The following BLTP1 variants were observed in gnomAD, a reference collection of about 807,000 sequenced individuals.
BLTP1 encodes the protein fragile site-associated protein.
At chr4:122,191,117 T>C in the BLTP1 span, among the ~76,000 whole-genome samples, 1 of 152,214 alleles carries the variant, frequency 6.6e-6, no homozygotes, top group African/African-American at 2.4e-5. Context: ...AAATTATTTA[T>C]TTTGTCAAAT....
the BLTP1 span, chr4:122,174,629 C>A: frequency 6.2e-7 from 1 of 1,602,940 alleles, no homozygotes; most frequent in Non-Finnish European, 8.5e-7. Context: ...AAATCTATTA[C>A]ATTACAGAAG....
At chr4:122,316,281 T>C in the BLTP1 span, 1 of 403,888 alleles carries the variant, frequency 2.5e-6, no homozygotes, top group South Asian at 2.0e-5. Context: ...TTAACTATTA[T>C]ACCATGAAAT....
the BLTP1 span, among the ~76,000 whole-genome samples, chr4:122,361,680 C>T: frequency 6.6e-6 from 1 of 152,146 alleles, no homozygotes; most frequent in Non-Finnish European, 1.5e-5. Flanking sequence ...TAAATTTTAG[C>T]CTTTTTCTCC....
the BLTP1 span, among the ~76,000 whole-genome samples, chr4:122,154,697 C>G: frequency 6.6e-6 from 1 of 152,062 alleles, no homozygotes; most frequent in Admixed American, 6.6e-5. Context: ...CATGGTGAAA[C>G]CCCGTGTCTA....
At chr4:122,210,282 G>T in the BLTP1 span, among the ~76,000 whole-genome samples, 1 of 152,112 alleles carries the variant, frequency 6.6e-6, no homozygotes. Context: ...ATGAAACAAG[G>T]TATGTGTGAA....
chr4:122,348,718 G>A, the BLTP1 span: 5 of 1,570,652 alleles, frequency 3.2e-6, no homozygotes, highest in Non-Finnish European at 1.7e-6. Context: ...GAAATACAAC[G>A]TAAGCTATTC....
At chr4:122,328,895 G>A in the BLTP1 span, 9 of 259,512 alleles carry the variant, frequency 3.5e-5, no homozygotes, top group African/African-American at 9.2e-5. Flanking sequence ...TATTTAAACC[G>A]CCCTCAAGTG....
At chr4:122,207,095 C>A in the BLTP1 span, 2 of 1,582,608 alleles carry the variant, frequency 1.3e-6, no homozygotes, top group Non-Finnish European at 1.7e-6. Flanking sequence ...CTATTCACTA[C>A]CCCAATAATT....
At chr4:122,237,980 T>TAAAAAA in the BLTP1 span, 1 of 494,740 alleles carries the variant, frequency 2.0e-6, no homozygotes, top group African/African-American at 4.7e-5. Context: ...AGACTCCATC[T>TAAAAAA]CAAAAAAAAA....
the BLTP1 span, chr4:122,198,423 T>G: frequency 1.0e-6 from 1 of 985,340 alleles, no homozygotes; most frequent in Non-Finnish European, 1.2e-6. Context: ...ATAAAGGCAG[T>G]TGAGAGTTTT....
the BLTP1 span, among the ~76,000 whole-genome samples, chr4:122,283,747 C>A: frequency 4.6e-5 from 7 of 152,072 alleles, no homozygotes; most frequent in Non-Finnish European, 1.0e-4. Context: ...TGGCCTCAAG[C>A]GATCCGCCTG....
chr4:122,234,751 T>C, the BLTP1 span: 4 of 1,546,888 alleles, frequency 2.6e-6, no homozygotes, highest in Non-Finnish European at 3.5e-6. Context: ...TTGTTTTTTG[T>C]TTTCTTTTGG....
the BLTP1 span, among the ~76,000 whole-genome samples, chr4:122,241,609 A>G: frequency 9.2e-5 from 14 of 152,294 alleles, no homozygotes; most frequent in East Asian, 2.7e-3. Flanking sequence ...ATATTCTCAT[A>G]GATTATGTAG....
the BLTP1 span, chr4:122,301,003 AG>A: frequency 1.0e-6 from 1 of 982,818 alleles, no homozygotes; most frequent in East Asian, 1.1e-4. Flanking sequence ...TGAAGAAATT[AG>A]TCCAGTTTAC....
At chr4:122,340,031 A>G in the BLTP1 span, among the ~76,000 whole-genome samples, 1 of 152,126 alleles carries the variant, frequency 6.6e-6, no homozygotes, top group Admixed American at 6.6e-5. Context: ...AATGGTAAAA[A>G]TTTTATTGAA....
the BLTP1 span, chr4:122,209,974 G>A: frequency 6.3e-7 from 1 of 1,576,222 alleles, no homozygotes; most frequent in Non-Finnish European, 8.6e-7. Context: ...TATTATGATT[G>A]ATAATCATGA....
chr4:122,325,199 T>C, the BLTP1 span: 2 of 1,561,574 alleles, frequency 1.3e-6, no homozygotes, highest in Non-Finnish European at 1.7e-6. Context: ...ATGAGAATAT[T>C]GGTGTTTTAT....
the BLTP1 span, chr4:122,229,232 A>G: frequency 1.2e-6 from 2 of 1,603,006 alleles, no homozygotes; most frequent in Admixed American, 1.7e-5. Flanking sequence ...TTGTGCTACA[A>G]ATATAAAGGT....
At chr4:122,159,461 C>CA in the BLTP1 span, among the ~76,000 whole-genome samples, 9,313 of 123,464 alleles carry the variant, frequency 0.075, 807 homozygotes, top group African/African-American at 0.23. Flanking sequence ...GACTCTGTCC[C>CA]AAAAAAAAAA....
Sources: gnomAD v4.1 joint callset for allele counts (sites outside exome capture counted in the v4.1 genomes callset) on GRCh38, gnomAD v4.1.1 for gene constraint, MANE v1.5 for transcripts, NCBI Gene and HGNC (gene_info 2026-07-23, HGNC 2026-07-21) for gene names.